The following MGAT4C variants were observed in gnomAD, a reference collection of about 807,000 sequenced individuals.
The protein encoded by MGAT4C is MGAT4 family member C.
A neutral mutation model predicts 40.1 loss-of-function variants in MGAT4C; 19 were observed. The observed-to-expected ratio is 0.47, with a 90% CI of 0.33 to 0.70. The LOEUF (loss-of-function observed/expected upper bound fraction) is 0.70, where lower values mean the gene tolerates loss of function less well. MGAT4C is among the 30% of genes least tolerant of loss of function. The pLI is 0.02. For missense variants in MGAT4C, 491 were observed against 563.2 expected (o/e 0.87, Z 1.30); for synonymous variants, 181 against 187.1 (o/e 0.97, Z 0.27).
At chr12:86,364,500 A>T (rs10745412) in intron 3 of MGAT4C, among the ~76,000 whole-genome samples, 1 of 151,872 alleles carries the variant, frequency 6.6e-6, no homozygotes, top group East Asian at 2.0e-4. Context: ...GATCCATTTT[A>T]ATTCTTCTGC....
At chr12:86,502,490 G>A (rs560080994) in intron 2 of MGAT4C, among the ~76,000 whole-genome samples, 1 of 151,876 alleles carries the variant, frequency 6.6e-6, no homozygotes, top group Admixed American at 6.6e-5. Flanking sequence ...AAACTGCAAA[G>A]TTAACTGTGG....
chr12:85,986,202 C>T (rs544785526), intron 3 of MGAT4C, among the ~76,000 whole-genome samples: 2 of 152,314 alleles, frequency 1.3e-5, no homozygotes, highest in African/African-American at 2.4e-5. Context: ...CCAGAGTCAC[C>T]TACCTGAACA....
chr12:86,245,403 A>G (rs746918365), intron 1 of MGAT4C, among the ~76,000 whole-genome samples: 3 of 152,148 alleles, frequency 2.0e-5, no homozygotes, highest in Admixed American at 6.5e-5. Context: ...GATTCCTCCT[A>G]TCAGACATCA....
intron 1 of MGAT4C, among the ~76,000 whole-genome samples, chr12:86,231,149 TCTGA>T (rs1303928715): frequency 6.6e-6 from 1 of 152,224 alleles, no homozygotes; most frequent in Non-Finnish European, 1.5e-5. Flanking sequence ...ATCAGATTTT[TCTGA>T]CTAATAGAAA....
At chr12:86,094,389 A>G (rs1035010831) in intron 1 of MGAT4C, among the ~76,000 whole-genome samples, 2 of 152,178 alleles carry the variant, frequency 1.3e-5, no homozygotes, top group Non-Finnish European at 2.9e-5. Context: ...ATTATCCCCA[A>G]TTGAAAGTAA....
chr12:86,413,477 AC>A (rs1956646017), intron 3 of MGAT4C, among the ~76,000 whole-genome samples: 2 of 152,186 alleles, frequency 1.3e-5, no homozygotes, highest in Admixed American at 1.3e-4. Flanking sequence ...TACTCATGTT[AC>A]TAAATTAGGT....
chr12:86,440,988 A>G (rs1957217236), intron 2 of MGAT4C, among the ~76,000 whole-genome samples: 1 of 152,192 alleles, frequency 6.6e-6, no homozygotes, highest in African/African-American at 2.4e-5. Flanking sequence ...ATGGAAATAC[A>G]TCCGATGCTC....
chr12:86,612,051 C>A (rs1382354953), intron 2 of MGAT4C, among the ~76,000 whole-genome samples: 1 of 152,088 alleles, frequency 6.6e-6, no homozygotes, highest in Non-Finnish European at 1.5e-5. Flanking sequence ...AACCTCTGGG[C>A]TCAGAATATA....
intron 1 of MGAT4C, among the ~76,000 whole-genome samples, chr12:86,236,878 C>T (rs1951574383): frequency 6.6e-6 from 1 of 151,574 alleles, no homozygotes; most frequent in Admixed American, 6.6e-5. Context: ...GTAAACAGGT[C>T]CTAAAGATGA....
At chr12:86,673,283 T>C (rs2136566573) in intron 2 of MGAT4C, among the ~76,000 whole-genome samples, 1 of 152,348 alleles carries the variant, frequency 6.6e-6, no homozygotes, top group African/African-American at 2.4e-5. Context: ...AGATATTCCA[T>C]AGGGTAACTT....
At chr12:86,628,400 A>G (rs1962894938) in intron 2 of MGAT4C, among the ~76,000 whole-genome samples, 1 of 152,184 alleles carries the variant, frequency 6.6e-6, no homozygotes, top group South Asian at 2.1e-4. Flanking sequence ...AGAGAACACC[A>G]CAAAGATACT....
intron 2 of MGAT4C, among the ~76,000 whole-genome samples, chr12:86,585,629 G>C (rs1593012728): frequency 1.3e-5 from 2 of 151,046 alleles, no homozygotes; most frequent in African/African-American, 2.4e-5. Flanking sequence ...TGAAACCTTT[G>C]CTGTCTACAG....
intron 2 of MGAT4C, among the ~76,000 whole-genome samples, chr12:86,475,429 A>T (rs1435033206): frequency 6.6e-6 from 1 of 152,050 alleles, no homozygotes; most frequent in Non-Finnish European, 1.5e-5. Flanking sequence ...AAAATGCATA[A>T]AGTCATTATA....
intron 3 of MGAT4C, among the ~76,000 whole-genome samples, chr12:86,358,766 A>G (rs1282238907): frequency 6.6e-6 from 1 of 152,262 alleles, no homozygotes; most frequent in Non-Finnish European, 1.5e-5. Flanking sequence ...CAATTCAACA[A>G]GAAGAGCTAA....
intron 2 of MGAT4C, among the ~76,000 whole-genome samples, chr12:86,447,514 C>G (rs1957360068): frequency 6.6e-6 from 1 of 152,128 alleles, no homozygotes; most frequent in South Asian, 2.1e-4. Flanking sequence ...ATATTTACCA[C>G]TAAATAAAAT....
chr12:86,741,077 C>T lies in MGAT4C; in HGVS notation c.-261-13836G>A, dbSNP rs145839780. On this transcript the variant is annotated intron_variant, in intron 1 of 7. Coordinates refer to the MGAT4C transcript ENST00000548651. ...TCATGTGTACTCAATGTTTAGCTCCCGCTTGTAAGTGAGAACATGCAGTAC... is the reference window on the plus strand; with the variant it reads ...TCATGTGTACTCAATGTTTAGCTCCTGCTTGTAAGTGAGAACATGCAGTAC... Among the ~76,000 whole-genome samples, 704 of 150,994 alleles carry T rather than the reference C, an allele frequency of 4.7e-3. 7 individuals carry two copies. The highest frequency in any genetic ancestry group is 0.016 in the African/African-American group (664 of 41,336).
At chr12:86,416,999 C>G (rs906866394) in intron 3 of MGAT4C, among the ~76,000 whole-genome samples, 2 of 151,972 alleles carry the variant, frequency 1.3e-5, no homozygotes, top group African/African-American at 4.8e-5. Context: ...TTTTTTGCCT[C>G]CAGAACCATG....
In MGAT4C at chr12:85,962,436, A is replaced by C; in HGVS notation, c.*16853T>G. ...TAATTATATAATTATATAAAATTTT[A>C]TAATTAATTATAAAATAAAATATTA... On this transcript the variant is annotated 3_prime_UTR_variant, in exon 5 of 5. Coordinates refer to ENST00000611864, the MANE Select transcript of MGAT4C (RefSeq NM_001351288.2). 1 of 147,994 alleles carries C rather than the reference A, an allele frequency of 6.8e-6. No homozygotes were observed. The highest frequency in any genetic ancestry group is 1.5e-5 in the Non-Finnish European group (1 of 66,976). The allele number at this position is 147,994 out of a possible 1,614,324, so 9.2% of individuals were successfully genotyped here.
intron 1 of MGAT4C, among the ~76,000 whole-genome samples, chr12:86,173,553 T>C (rs1054607811): frequency 2.6e-5 from 4 of 152,136 alleles, no homozygotes; most frequent in African/African-American, 9.6e-5. Flanking sequence ...CAATTATAAA[T>C]ATATCACATT....
Sources: allele counts gnomAD v4.1 joint callset (sites outside exome capture counted in the v4.1 genomes callset), GRCh38; gene constraint gnomAD v4.1.1; transcripts MANE v1.5; gene names NCBI Gene and HGNC (gene_info 2026-07-23, HGNC 2026-07-21).